ERC2: variants seen among roughly 807,000 people sequenced by gnomAD.
ERC2 encodes the protein ERC protein 2.
ERC2 carries 42 observed loss-of-function variants against 114.8 expected under a neutral mutation model. The ratio of observed to expected loss-of-function variants is 0.37; its 90% CI spans 0.29 to 0.47. The LOEUF is 0.47. ERC2 is among the 20% of genes least tolerant of loss of function. The probability of loss-of-function intolerance (pLI) is 0.99; values close to 1 mark genes in which losing one functional copy is unlikely to be tolerated. For synonymous variants in ERC2, 454 were observed against 425.5 expected, an observed-to-expected ratio of 1.07 and a Z score of -0.82; for missense variants, 939 against 1,150.7, an observed-to-expected ratio of 0.82 and a Z score of 2.66.
intron 2 of ERC2, among the ~76,000 whole-genome samples, chr3:56,371,231 C>T (rs1396456126): frequency 6.6e-6 from 1 of 152,214 alleles, no homozygotes; most frequent in East Asian, 1.9e-4. Flanking sequence ...ACCTCTGCAG[C>T]AACCAGCAGC....
intron 7 of ERC2, among the ~76,000 whole-genome samples, chr3:56,033,317 A>G (rs1270520913): frequency 1.3e-5 from 2 of 152,206 alleles, no homozygotes; most frequent in Admixed American, 6.5e-5. Flanking sequence ...GTTATTTTTA[A>G]TATTTTGTAG....
intron 14 of ERC2, among the ~76,000 whole-genome samples, chr3:55,764,305 C>G (rs577830508): frequency 6.6e-6 from 1 of 152,346 alleles, no homozygotes; most frequent in Admixed American, 6.5e-5. Flanking sequence ...TCTTCTTAGG[C>G]AATTTTTGCT....
chr3:55,687,701 T>G (rs2062407472), intron 16 of ERC2, among the ~76,000 whole-genome samples: 1 of 152,340 alleles, frequency 6.6e-6, no homozygotes, highest in East Asian at 1.9e-4. Flanking sequence ...CTAAAGCTTC[T>G]GAAACTTCAA....
At chr3:56,013,600 T>A (rs1424165947) in intron 8 of ERC2, among the ~76,000 whole-genome samples, 1 of 152,204 alleles carries the variant, frequency 6.6e-6, no homozygotes, top group Non-Finnish European at 1.5e-5. Context: ...TGTGCCATGA[T>A]TAATTAATGA....
intron 2 of ERC2, among the ~76,000 whole-genome samples, chr3:56,322,169 T>C (rs1427303505): frequency 6.6e-6 from 1 of 152,240 alleles, no homozygotes; most frequent in Non-Finnish European, 1.5e-5. Context: ...AGATGAGCTA[T>C]GTATAAACTG....
chr3:56,259,830 CT>C (rs1452960344), intron 3 of ERC2, among the ~76,000 whole-genome samples: 1 of 152,148 alleles, frequency 6.6e-6, no homozygotes, highest in African/African-American at 2.4e-5. Flanking sequence ...CTGACCCAAG[CT>C]GGGCTGCCTC....
At chr3:55,844,293 A>T (rs1487699388) in intron 14 of ERC2, among the ~76,000 whole-genome samples, 1 of 152,216 alleles carries the variant, frequency 6.6e-6, no homozygotes, top group Non-Finnish European at 1.5e-5. Context: ...ATAGTCCCCA[A>T]ATGGAAACAT....
At chr3:56,380,711 A>G (rs2059716451) in intron 2 of ERC2, among the ~76,000 whole-genome samples, 1 of 152,246 alleles carries the variant, frequency 6.6e-6, no homozygotes, top group African/African-American at 2.4e-5. Context: ...TCACCATATC[A>G]TCTTTGATAT....
chr3:55,887,020 G>C (rs1297873129), intron 14 of ERC2, among the ~76,000 whole-genome samples: 1 of 152,128 alleles, frequency 6.6e-6, no homozygotes, highest in Non-Finnish European at 1.5e-5. Context: ...TCTGCATAAT[G>C]ACTACAGTGA....
intron 7 of ERC2, among the ~76,000 whole-genome samples, chr3:56,023,123 C>G (rs941483383): frequency 6.6e-6 from 1 of 152,186 alleles, no homozygotes; most frequent in African/African-American, 2.4e-5. Context: ...GAATTTCACA[C>G]AAGTGTAGTC....
rs563631866 is a variant in ERC2, at chr3:56,084,130, A to G, written c.1474-3146T>C. ...TGAAAAATGCTCAACATCACTAATC[A>G]TCAGGGAAATGCAAATCAAAACTAC... On this transcript the variant is annotated intron_variant, in intron 6 of 17. Coordinates refer to ENST00000288221, the MANE Select transcript of ERC2 (RefSeq NM_015576.3). 9.2e-5 allele frequency among the ~76,000 whole-genome samples: 14 copies of G among 152,320 alleles called. 1 individual carries two copies. The South Asian group carries it at 2.7e-3, about 29-fold the overall frequency.
chr3:55,595,064 T>C lies in ERC2; in HGVS notation c.*40-83788A>G, dbSNP rs116301252. 6.4e-3 allele frequency among the ~76,000 whole-genome samples: 975 copies of C among 152,314 alleles called. 11 individuals are homozygous for C. The highest frequency in any genetic ancestry group is 0.022 in the African/African-American group (925 of 41,562). ...GAGCCCTTCATATATATTCTCTCTC[T>C]TCATGTTCATATCAACTCTGAAAAG... On this transcript the variant is annotated intron_variant, in intron 17 of 17. Transcript: ENST00000288221.
chr3:56,010,638 A>G, intron 8 of ERC2, 49 bp from the exon 9 acceptor site: 2 of 1,563,346 alleles, frequency 1.3e-6, no homozygotes, highest in Non-Finnish European at 1.7e-6. Flanking sequence ...ATCAGTGTAT[A>G]TGCCAAAGCA....
intron 2 of ERC2, among the ~76,000 whole-genome samples, chr3:56,362,090 G>A (rs537004097): frequency 1.3e-4 from 20 of 152,132 alleles, no homozygotes; most frequent in African/African-American, 1.9e-4. Flanking sequence ...GAAATTTCCC[G>A]GTAAGACAAG....
At chr3:55,665,420 C>T (rs900943095) in intron 17 of ERC2, among the ~76,000 whole-genome samples, 1 of 152,158 alleles carries the variant, frequency 6.6e-6, no homozygotes, top group Non-Finnish European at 1.5e-5. Flanking sequence ...TATTTGAAAA[C>T]AGGGTTGTTG....
At chr3:56,186,273 CAT>C (rs2083608212) in intron 3 of ERC2, among the ~76,000 whole-genome samples, 1 of 152,060 alleles carries the variant, frequency 6.6e-6, no homozygotes, top group Non-Finnish European at 1.5e-5. Context: ...AGCTGCTAAA[CAT>C]GTGGTAATTT....
At chr3:56,392,771 T>C (rs1006778974) in intron 2 of ERC2, among the ~76,000 whole-genome samples, 7 of 152,210 alleles carry the variant, frequency 4.6e-5, no homozygotes. Flanking sequence ...ATGGTGGTTG[T>C]GGTAAAGGAT....
At chr3:56,395,023 C>T (rs747119368) in intron 2 of ERC2, among the ~76,000 whole-genome samples, 1 of 150,028 alleles carries the variant, frequency 6.7e-6, no homozygotes, top group African/African-American at 2.5e-5. Flanking sequence ...ATGGATGAAT[C>T]TTAAAAACAT....
chr3:55,661,281 A>G (rs1327399059), intron 17 of ERC2, among the ~76,000 whole-genome samples: 1 of 152,194 alleles, frequency 6.6e-6, no homozygotes, highest in Admixed American at 6.5e-5. Context: ...TGCAGCTCTG[A>G]GGCTGAATTT....
Sources: allele counts gnomAD v4.1 joint callset (sites outside exome capture counted in the v4.1 genomes callset), GRCh38; gene constraint gnomAD v4.1.1; transcripts MANE v1.5; gene names NCBI Gene and HGNC (gene_info 2026-07-23, HGNC 2026-07-21).